Variants in THOC7 observed in about 807,000 individuals in gnomAD.
THOC7 encodes the protein NIF3L1-binding protein 1.
Under a neutral mutation model 33.1 loss-of-function variants are expected in THOC7, and 22 were observed. The observed-to-expected ratio is 0.66, with a 90% CI of 0.47 to 0.95. THOC7 has a LOEUF of 0.95. Ranked by LOEUF, THOC7 falls within the 40% of genes least tolerant of loss-of-function variation. THOC7 has a pLI of 0.00. For missense variants in THOC7, 184 were observed against 245.3 expected (o/e 0.75, Z 1.67); for synonymous variants, 77 against 76.8 (o/e 1.00, Z -0.01).
Position 63,834,198 on chromosome 3 carries a change from A to G in THOC7, c.549T>C (p.Asn183=). The G allele has an allele frequency of 6.2e-7, 1 of 1,613,952 alleles. No individual in the cohort carries two copies. Among genetic ancestry groups the G allele is most frequent in the Non-Finnish European group, 8.5e-7 (1 of 1,179,972 alleles). ...TIHELQQTLE[N]DEKLSEVEEA... ...CTTCTACCTCTGAGAGTTTTTCATCATCTGTAATTGAGAAGGAAACATAAA... is the reference window on the plus strand; with the variant it reads ...CTTCTACCTCTGAGAGTTTTTCATCGTCTGTAATTGAGAAGGAAACATAAA... The change falls in exon 8 of 8, where the codon AAT becomes AAC. Residue 183 remains asparagine (N), a splice_region_variant and synonymous_variant. Transcript: ENST00000295899.
chr3:63,843,578 T>C (rs1283162789), intron 1 of THOC7, among the ~76,000 whole-genome samples: 1 of 152,006 alleles, frequency 6.6e-6, no homozygotes, highest in African/African-American at 2.4e-5. Context: ...TGGAATCAAT[T>C]TGGGTGTTTA....
chr3:63,837,842 A>G (rs1238385249), intron 4 of THOC7, 134 bp downstream of exon 4: 10 of 632,056 alleles, frequency 1.6e-5, no homozygotes, highest in South Asian at 2.7e-5. Flanking sequence ...ATATAGTTTT[A>G]AGGAATTAAA....
intron 6 of THOC7, 44 bp from the exon 7 acceptor site, chr3:63,835,267 T>C (rs540211076): frequency 4.3e-6 from 7 of 1,612,564 alleles, no homozygotes; most frequent in South Asian, 3.3e-5. Flanking sequence ...CCTGTATATA[T>C]AGATATATAG....
Position 63,838,452 on chromosome 3 carries a change from A to T in THOC7, c.185T>A (p.Phe62Tyr). ...TACTAGTAAAGTTTTGCCCATTGAAAATTCACATTGAGACAGCGTGCTCAG... is the reference window on the plus strand; with the variant it reads ...TACTAGTAAAGTTTTGCCCATTGAATATTCACATTGAGACAGCGTGCTCAG... ...RMLSTLSQCE[F>Y]SMGKTLLVYD... Residue 62 changes from phenylalanine to tyrosine, a missense_variant, in exon 3 of 8, where the codon TTT becomes TAT. Coordinates refer to ENST00000295899, the MANE Select transcript of THOC7 (RefSeq NM_025075.4). The T allele has an allele frequency of 6.2e-7, 1 of 1,610,584 alleles. No individual in the cohort carries two copies.
At position 63,833,997 on chromosome 3, in the gene THOC7, G is replaced by T; in HGVS notation, c.*135C>A. 1.3e-6 allele frequency: 1 copy of T among 754,862 alleles called. No individual in the cohort carries two copies. The highest frequency in any genetic ancestry group is 2.8e-5 in the East Asian group (1 of 35,608). The allele number at this position is 754,862 out of a possible 1,614,324, so 46.8% of individuals were successfully genotyped here. Reference sequence around the variant, plus strand: ...TTCCTTTGTGAGAGGAAATATGAATGAAATACATTCATACTTAAAAACAGA... The same window carrying T: ...TTCCTTTGTGAGAGGAAATATGAATTAAATACATTCATACTTAAAAACAGA... On this transcript the variant is annotated 3_prime_UTR_variant, in exon 8 of 8. Coordinates refer to ENST00000295899, the MANE Select transcript of THOC7 (RefSeq NM_025075.4).
intron 1 of THOC7, among the ~76,000 whole-genome samples, chr3:63,853,975 G>C (rs910514735): frequency 3.3e-5 from 5 of 151,906 alleles, no homozygotes; most frequent in African/African-American, 1.2e-4. Flanking sequence ...AAATGTTGAA[G>C]ATTTATCTAT....
chr3:63,861,556 G>A (rs889144479), intron 1 of THOC7: 1 of 152,184 alleles, frequency 6.6e-6, no homozygotes, highest in Non-Finnish European at 1.5e-5. Flanking sequence ...ACGCATAATA[G>A]TGAAGAGCAG....
Position 63,835,321 on chromosome 3 carries a change from T to C in THOC7, c.477+3A>G, listed in dbSNP as rs1426684228. The C allele has an allele frequency of 1.2e-5, 20 of 1,613,416 alleles. No homozygotes were observed. The highest frequency in any genetic ancestry group is 1.7e-5 in the Non-Finnish European group (20 of 1,179,700). On this transcript the variant is annotated splice_donor_region_variant and intron_variant, in intron 6 of 7. Transcript: ENST00000295899. The stretch of plus-strand genomic sequence containing the variant: ...CATGAAGGCTAAATATATATGCGAA[T>C]ACCTTATCTTCAACACTTTCTTTAA...
chr3:63,861,868 C>G (rs1702225742), intron 1 of THOC7: 1 of 151,674 alleles, frequency 6.6e-6, no homozygotes, highest in African/African-American at 2.4e-5. Context: ...TCTTGGCTCA[C>G]TGCAGCCTCA....
At chr3:63,856,283 G>A (rs1234629875) in intron 1 of THOC7, among the ~76,000 whole-genome samples, 1 of 151,566 alleles carries the variant, frequency 6.6e-6, no homozygotes, top group Non-Finnish European at 1.5e-5. Context: ...GGAGGGGCGG[G>A]GATGCTTAAT....
intron 1 of THOC7, among the ~76,000 whole-genome samples, chr3:63,841,284 G>T (rs922951884): frequency 6.6e-6 from 1 of 152,188 alleles, no homozygotes; most frequent in African/African-American, 2.4e-5. Context: ...CAAGAAACTT[G>T]TAATAGCGGT....
chr3:63,836,534 A>T (rs147147917), intron 4 of THOC7, among the ~76,000 whole-genome samples, 176 bp from the exon 5 acceptor site: 70 of 152,150 alleles, frequency 4.6e-4, no homozygotes, highest in African/African-American at 1.6e-3. Context: ...ATAACGATAC[A>T]TAACATCAAA....
intron 1 of THOC7, chr3:63,860,803 T>C (rs916137671): frequency 1.3e-5 from 2 of 152,240 alleles, no homozygotes; most frequent in African/African-American, 2.4e-5. Flanking sequence ...AAATGTTTTC[T>C]AGCATAAGGC....
Position 63,863,772 on chromosome 3 carries a change from C to G in THOC7, c.19G>C (p.Asp7His). MGAVTD[D>H]EVIRKRLLID... The stretch of plus-strand genomic sequence containing the variant: ...CGTGTGGCGGCGAGCGGGGCCTCAC[C>G]GTCAGTCACGGCTCCCATGGCGTGC... Residue 7 changes from aspartate (D) to histidine (H), a missense_variant and splice_region_variant, in exon 1 of 8, where the codon GAC (aspartate) becomes CAC (histidine). Physicochemically the swap from Asp to His is moderately conservative, Grantham distance 81. Transcript: ENST00000295899. 1 of 1,251,854 alleles carries G rather than the reference C, an allele frequency of 8.0e-7. No individual in the cohort carries two copies. Among genetic ancestry groups the G allele is most frequent in the Non-Finnish European group, 9.9e-7 (1 of 1,005,762 alleles). 77.5% of individuals were successfully genotyped at this position (1,251,854 alleles called of 1,614,324 possible).
At chr3:63,851,051 T>C (rs769913894) in intron 1 of THOC7, among the ~76,000 whole-genome samples, 6 of 152,224 alleles carry the variant, frequency 3.9e-5, no homozygotes, top group Non-Finnish European at 5.9e-5. Context: ...TTGATTTTAG[T>C]TGGTTTGGCT....
Position 63,838,510 on chromosome 3 carries a change from A to G in THOC7, c.138-11T>C, listed in dbSNP as rs766411450. 3 of 1,578,708 alleles carry G rather than the reference A, an allele frequency of 1.9e-6. No individual in the cohort carries two copies. Among genetic ancestry groups the G allele is most frequent in the Admixed American group, 2.0e-5 (1 of 48,954 alleles). ...TGGTACTGGCTATATCTAATGAAAA[A>G]GAAAGAAAACCAAAATAAAGATATT... On this transcript the variant is annotated splice_polypyrimidine_tract_variant and intron_variant, in intron 2 of 7. Coordinates refer to ENST00000295899, the MANE Select transcript of THOC7 (RefSeq NM_025075.4).
intron 1 of THOC7, among the ~76,000 whole-genome samples, chr3:63,849,904 C>T (rs1379448871): frequency 4.6e-5 from 7 of 152,088 alleles, no homozygotes; most frequent in South Asian, 2.1e-4. Flanking sequence ...CTGGACAACT[C>T]GATGTAAATT....
chr3:63,852,861 C>T (rs965795857), intron 1 of THOC7, among the ~76,000 whole-genome samples: 7 of 152,102 alleles, frequency 4.6e-5, no homozygotes, highest in African/African-American at 1.7e-4. Context: ...ATTAGAATCA[C>T]AGGTCCTGGC....
intron 2 of THOC7, 47 bp from the exon 3 acceptor site, chr3:63,838,546 C>T (rs377497158): frequency 5.3e-5 from 82 of 1,541,628 alleles, no homozygotes; most frequent in Non-Finnish European, 7.0e-5. Flanking sequence ...TGTGGACTGA[C>T]AAAAGTGAAC....
Sources: allele counts gnomAD v4.1 joint callset (sites outside exome capture counted in the v4.1 genomes callset), GRCh38; gene constraint gnomAD v4.1.1; transcripts MANE v1.5; gene names NCBI Gene and HGNC (gene_info 2026-07-23, HGNC 2026-07-21).